PITPNM2: variants seen among roughly 807,000 people sequenced by gnomAD.
The protein encoded by PITPNM2 is phosphatidylinositol transfer protein membrane associated 2.
A neutral mutation model predicts 132.2 loss-of-function variants in PITPNM2; 35 were observed. The observed-to-expected ratio is 0.26, with a 90% CI of 0.20 to 0.35. The LOEUF is 0.35. Among genes scored for constraint, PITPNM2 ranks in the 10% least tolerant of loss-of-function variants. PITPNM2 has a pLI of 1.00. For synonymous variants in PITPNM2, 738 were observed against 799.2 expected, an observed-to-expected ratio of 0.92 and a Z score of 1.29; for missense variants, 1,332 against 1,912.0, an observed-to-expected ratio of 0.70 and a Z score of 5.66.
chr12:123,000,459 G>A lies in PITPNM2; in HGVS notation c.1224+319C>T, dbSNP rs982937383. ...GGACAGCAGACAGGCTGGGCACAAG[G>A]TGAAGATCTTATTTTTGATCTGGAA... On this transcript the variant is annotated intron_variant, in intron 10 of 25. Transcript: ENST00000320201. This position sits in a 1 kb window ranked among gnomAD's most constrained non-coding sequence, Gnocchi z 5.4. 7.1e-6 allele frequency: 5 copies of A among 702,780 alleles called. No individual in the cohort carries two copies. In the Admixed American group the frequency reaches 1.0e-4, roughly 14 times the overall value. 43.5% of individuals were successfully genotyped at this position (702,780 alleles called of 1,614,324 possible). A position where few individuals can be genotyped will look rare whatever the true frequency, so the allele number is the denominator to read the frequency against.
chr12:122,996,133 T>C (rs1173520115), intron 13 of PITPNM2, among the ~76,000 whole-genome samples: 1 of 152,186 alleles, frequency 6.6e-6, no homozygotes, highest in Admixed American at 6.5e-5. Context: ...CTACAGCTCT[T>C]TCAGGGCCCA....
In PITPNM2 at chr12:122,993,313, AAAATGTTTCCCCTTCTGTC is replaced by A. The variant is rs2038281821; in HGVS notation, c.2234-663_2234-645del. On this transcript the variant is annotated intron_variant, in intron 15 of 25. Transcript: ENST00000320201. The surrounding 1 kb of genome is among the most constrained non-coding windows in gnomAD (Gnocchi z 5.2). Reference sequence around the variant, plus strand: ...GGCAGCCCTGCCCTGCCTGTATCGGAAAATGTTTCCCCTTCTGTCAAATGGGGCAGCAGTTCCAACCACG... The same window carrying A: ...GGCAGCCCTGCCCTGCCTGTATCGGAAAATGGGGCAGCAGTTCCAACCACG... 6.6e-6 allele frequency among the ~76,000 whole-genome samples: 1 copy of A among 152,110 alleles called. No individual in the cohort carries two copies. The highest frequency in any genetic ancestry group is 2.4e-5 in the African/African-American group (1 of 41,392).
chr12:123,077,008 G>A lies in PITPNM2; in HGVS notation c.-96+33377C>T, dbSNP rs2136963046. Among the ~76,000 whole-genome samples, 1 of 152,256 alleles carries A rather than the reference G, an allele frequency of 6.6e-6. No homozygotes were observed. The highest frequency in any genetic ancestry group is 2.4e-5 in the African/African-American group (1 of 41,528). ...TGTCTCCCCGGGCTGCGCTGCTGAG[G>A]GGTTAGCCTCACAGATTCCCTCTGG... On this transcript the variant is annotated intron_variant, in intron 2 of 25. Transcript: ENST00000320201. This position sits in a 1 kb window ranked among gnomAD's most constrained non-coding sequence, Gnocchi z 4.8.
intron 2 of PITPNM2, among the ~76,000 whole-genome samples, chr12:123,098,177 C>T (rs1410208861): frequency 6.6e-6 from 1 of 152,208 alleles, no homozygotes; most frequent in Non-Finnish European, 1.5e-5. Flanking sequence ...GGGCCCATTT[C>T]CCATTTCTGT....
At chr12:123,012,994 A>T (rs1026286938) in intron 4 of PITPNM2, among the ~76,000 whole-genome samples, 5 of 152,232 alleles carry the variant, frequency 3.3e-5, no homozygotes, top group African/African-American at 9.6e-5. Context: ...CCCCATGTCC[A>T]ATGTCCACAG....
intron 2 of PITPNM2, among the ~76,000 whole-genome samples, chr12:123,052,402 T>C (rs949596061): frequency 2.0e-5 from 3 of 152,164 alleles, no homozygotes; most frequent in Non-Finnish European, 4.4e-5. Context: ...GTGGATTTCT[T>C]GAGGTCAGGA....
intron 2 of PITPNM2, among the ~76,000 whole-genome samples, chr12:123,109,590 G>A (rs371820148): frequency 9.2e-5 from 14 of 152,370 alleles, no homozygotes; most frequent in African/African-American, 2.6e-4. Flanking sequence ...CTTGCGGGCA[G>A]CTGAGCAAGG....
chr12:123,091,364 G>C (rs556469363), intron 2 of PITPNM2: 3 of 152,378 alleles, frequency 2.0e-5, no homozygotes, highest in African/African-American at 7.2e-5. Context: ...AAGCTGCCTT[G>C]TCTCGCAGGA....
intron 1 of PITPNM2, among the ~76,000 whole-genome samples, chr12:123,146,045 T>G (rs1593038518): frequency 6.6e-6 from 1 of 152,012 alleles, no homozygotes; most frequent in East Asian, 1.9e-4. Flanking sequence ...CTTAGCAAAC[T>G]AATGAAAGAA....
Position 122,994,994 on chromosome 12 carries a change from A to C in PITPNM2, c.2055-15T>G, listed in dbSNP as rs781013107. On this transcript the variant is annotated splice_polypyrimidine_tract_variant and intron_variant, in intron 14 of 25. Coordinates refer to ENST00000320201, the MANE Select transcript of PITPNM2 (RefSeq NM_020845.3). The surrounding 1 kb of genome is among the most constrained non-coding windows in gnomAD (Gnocchi z 5.4). ...TGGCATGGAGGCTGCAGACCCAAAT[A>C]AGACTTAGCTGTCATGTGGGTGCAG... 28 of 1,588,104 alleles carry C rather than the reference A, an allele frequency of 1.8e-5. No homozygotes were observed. The highest frequency in any genetic ancestry group is 2.4e-5 in the Non-Finnish European group (28 of 1,169,032).
At position 122,993,757 on chromosome 12, in the gene PITPNM2, C is replaced by A. The variant is rs1267373845; in HGVS notation, c.2233+1044G>T. Among the ~76,000 whole-genome samples the A allele has an allele frequency of 6.6e-6, 1 of 152,228 alleles. No homozygotes were observed. The highest frequency in any genetic ancestry group is 1.5e-5 in the Non-Finnish European group (1 of 68,036). ...GGGCACAGGGATGCCCTCCATGGGG[C>A]TGCCTTGGTTGTTGGGGTCCCCTTA... On this transcript the variant is annotated intron_variant, in intron 15 of 25. Coordinates refer to ENST00000320201, the MANE Select transcript of PITPNM2 (RefSeq NM_020845.3). The surrounding 1 kb of genome is among the most constrained non-coding windows in gnomAD (Gnocchi z 5.2).
At chr12:123,142,809 C>T (rs1048428778) in intron 1 of PITPNM2, among the ~76,000 whole-genome samples, 2 of 151,614 alleles carry the variant, frequency 1.3e-5, no homozygotes, top group Non-Finnish European at 2.9e-5. Context: ...GATTTAAATG[C>T]TTTTTTCCAG....
rs552928537 is a variant in PITPNM2 at position 123,064,022 on chromosome 12, G to A, written c.-95-29337C>T. 1.2e-4 allele frequency among the ~76,000 whole-genome samples: 19 copies of A among 152,302 alleles called. No homozygotes were observed. The South Asian group carries it at 3.7e-3, about 30-fold the overall frequency. ...CAGCCGCTATTATTACTATAATGAT[G>A]ATGGTGATGGTGATGGTGATGCTGG... On this transcript the variant is annotated intron_variant, in intron 2 of 25. Coordinates refer to ENST00000320201, the MANE Select transcript of PITPNM2 (RefSeq NM_020845.3). This position sits in a 1 kb window ranked among gnomAD's most constrained non-coding sequence, Gnocchi z 4.0.
intron 3 of PITPNM2, among the ~76,000 whole-genome samples, chr12:123,019,394 T>C (rs1216992324): frequency 6.6e-6 from 1 of 152,118 alleles, no homozygotes; most frequent in African/African-American, 2.4e-5. Context: ...TATACAACAC[T>C]TGAATAAAAA....
chr12:123,025,069 G>A lies in PITPNM2; in HGVS notation c.78+9444C>T, dbSNP rs540474516. ...CTCTCTGCCATGAATGTCCCTCCCC[G>A]TGTCCAAAAGCTCAGTTTTCTGCTT... On this transcript the variant is annotated intron_variant, in intron 3 of 25. Coordinates refer to ENST00000320201, the MANE Select transcript of PITPNM2 (RefSeq NM_020845.3). 7.9e-5 allele frequency among the ~76,000 whole-genome samples: 12 copies of A among 152,294 alleles called. No individual in the cohort carries two copies. In the East Asian group the frequency reaches 1.3e-3, roughly 17 times the overall value.
intron 2 of PITPNM2, among the ~76,000 whole-genome samples, chr12:123,054,925 A>C (rs1259702225): frequency 6.6e-6 from 1 of 152,132 alleles, no homozygotes; most frequent in Non-Finnish European, 1.5e-5. Flanking sequence ...TTAGCCCGGC[A>C]TGGTGGGATA....
At position 122,990,696 on chromosome 12, in the gene PITPNM2, C is replaced by G. The variant is rs958156129; in HGVS notation, c.2418G>C (p.Gln806His). The G allele has an allele frequency of 6.2e-7, 1 of 1,608,558 alleles. No individual in the cohort carries two copies. The highest frequency in any genetic ancestry group is 1.1e-5 in the South Asian group (1 of 90,492). The part of the protein sequence containing the change: ...GCSTLLADVL[Q>H]THNAAFQEHG... ...GCTCTTGGAAGGCTGCATTGTGGGT[C>G]TGGAGCACATCCGCTGCAGGTGGAC... Residue 806 changes from glutamine (Q) to histidine (H), a missense_variant, in exon 17 of 26, where the codon CAG (glutamine) becomes CAC (histidine). Gln to His is a conservative substitution (Grantham distance 24, BLOSUM62 0). This residue lies in a region of PITPNM2 where 710 missense variants were observed against 911.5 expected (regional missense o/e 0.78). Transcript: ENST00000320201.
chr12:123,145,665 G>A (rs2043600404), intron 1 of PITPNM2, among the ~76,000 whole-genome samples: 1 of 152,174 alleles, frequency 6.6e-6, no homozygotes, highest in Admixed American at 6.5e-5. Flanking sequence ...CCGGAAACCT[G>A]CCTGTTGGTT....
At chr12:123,132,882 C>T (rs1434551025) in intron 1 of PITPNM2, among the ~76,000 whole-genome samples, 1 of 152,170 alleles carries the variant, frequency 6.6e-6, no homozygotes, top group Non-Finnish European at 1.5e-5. Context: ...GGAATGCTGA[C>T]ACATATTGTT....
Sources: allele counts gnomAD v4.1 joint callset (sites outside exome capture counted in the v4.1 genomes callset), GRCh38; gene constraint gnomAD v4.1.1; regional missense constraint gnomAD v4.1.1; non-coding constraint Gnocchi (gnomAD v3.1); transcripts MANE v1.5; gene names NCBI Gene and HGNC (gene_info 2026-07-23, HGNC 2026-07-21).